Variants in CCDC141 observed in about 807,000 individuals in gnomAD.
CCDC141 encodes the protein coiled-coil domain-containing protein 141.
CCDC141 carries 168 observed loss-of-function variants against 181.0 expected under a neutral mutation model. The ratio of observed to expected loss-of-function variants is 0.93; its 90% confidence interval spans 0.82 to 1.05. The LOEUF is 1.05. Among genes scored for constraint, CCDC141 ranks in the 50% least tolerant of loss-of-function variants. The pLI is 0.00. For synonymous variants in CCDC141, 666 were observed against 642.3 expected, an observed-to-expected ratio of 1.04 and a Z score of -0.56; for missense variants, 1,902 against 1,788.5, an observed-to-expected ratio of 1.06 and a Z score of -1.14.
At chr2:179,029,646 C>T (rs1254124324) in intron 2 of CCDC141, among the ~76,000 whole-genome samples, 1 of 152,096 alleles carries the variant, frequency 6.6e-6, no homozygotes, top group African/African-American at 2.4e-5. Flanking sequence ...CATGAACATT[C>T]TAGGAATTAC....
intron 2 of CCDC141, among the ~76,000 whole-genome samples, chr2:178,991,983 T>C (rs1692077304): frequency 6.6e-6 from 1 of 152,074 alleles, no homozygotes; most frequent in Non-Finnish European, 1.5e-5. Context: ...CTTATCATCA[T>C]CTGCCTCATC....
intron 7 of CCDC141, among the ~76,000 whole-genome samples, chr2:178,906,861 G>A (rs775436945): frequency 2.0e-5 from 3 of 152,146 alleles, no homozygotes; most frequent in Non-Finnish European, 4.4e-5. Flanking sequence ...GGTCATGGAG[G>A]TACACAAATG....
intron 7 of CCDC141, among the ~76,000 whole-genome samples, chr2:178,910,427 A>C (rs1156934452): frequency 6.6e-6 from 1 of 152,198 alleles, no homozygotes; most frequent in Non-Finnish European, 1.5e-5. Context: ...TATAACTATC[A>C]AAAACACAAA....
intron 2 of CCDC141, among the ~76,000 whole-genome samples, chr2:179,007,385 A>C (rs953372041): frequency 2.6e-5 from 4 of 152,312 alleles, no homozygotes; most frequent in African/African-American, 4.8e-5. Context: ...CTTAATAAAC[A>C]TGTGAAGTAA....
intron 10 of CCDC141, among the ~76,000 whole-genome samples, chr2:178,885,593 T>C (rs1686844910): frequency 1.3e-5 from 2 of 152,190 alleles, no homozygotes; most frequent in Admixed American, 1.3e-4. Flanking sequence ...AAATATTACA[T>C]ATCAGGCCTA....
intron 6 of CCDC141, among the ~76,000 whole-genome samples, chr2:178,921,313 A>T (rs1332537547): frequency 1.3e-5 from 2 of 152,246 alleles, no homozygotes. Flanking sequence ...AAATATTTTT[A>T]AAACAGTACA....
At position 178,959,161 on chromosome 2, in the gene CCDC141, G is replaced by A. The variant is rs563732686; in HGVS notation, c.780+2069C>T. 1.1e-3 allele frequency among the ~76,000 whole-genome samples: 169 copies of A among 151,206 alleles called. 2 individuals carry two copies. The highest frequency in any genetic ancestry group is 0.01 in the Middle Eastern group (3 of 294). On this transcript the variant is annotated intron_variant, in intron 5 of 23. Transcript: ENST00000443758. Reference sequence around the variant, plus strand: ...CCTGTTGTGGGGTGGGGGAAGGGGGGAGGGATAGCATTAGGAGATATACCT... The same window carrying A: ...CCTGTTGTGGGGTGGGGGAAGGGGGAAGGGATAGCATTAGGAGATATACCT...
In CCDC141 at chr2:178,837,188, T is replaced by G. The variant is rs1684514765; in HGVS notation, c.4031A>C (p.Glu1344Ala). Residue 1344 changes from glutamate (E) to alanine (A), a missense_variant, in exon 23 of 24, where the codon GAA (glutamate) becomes GCA (alanine). Transcript: ENST00000443758. ...ATCAGCATGCATTTTCTCCCGTGTT[T>G]CTAGCAAACCACCCTGAGCCTGAGG... ...QHPQAQGGLL[E>A]TREKMHADNN... 1 of 1,613,912 alleles carries G rather than the reference T, an allele frequency of 6.2e-7. No homozygotes were observed. The highest frequency in any genetic ancestry group is 1.3e-5 in the African/African-American group (1 of 74,920).
intron 2 of CCDC141, among the ~76,000 whole-genome samples, chr2:178,991,183 G>C (rs1692037894): frequency 1.3e-5 from 2 of 152,112 alleles, no homozygotes; most frequent in African/African-American, 4.8e-5. Flanking sequence ...TTATCAAACA[G>C]CAATACATAT....
chr2:178,918,340 C>A (rs928008534), intron 7 of CCDC141, among the ~76,000 whole-genome samples: 1 of 151,912 alleles, frequency 6.6e-6, no homozygotes, highest in African/African-American at 2.4e-5. Context: ...TCCAGGAGGT[C>A]GAGGCTGCAG....
chr2:178,840,422 G>A (rs1415736746), intron 22 of CCDC141, among the ~76,000 whole-genome samples: 2 of 152,220 alleles, frequency 1.3e-5, no homozygotes, highest in Non-Finnish European at 2.9e-5. Context: ...AACAAGCTTA[G>A]GAGAGAAACT....
At chr2:178,962,821 T>C (rs964247328) in intron 4 of CCDC141, among the ~76,000 whole-genome samples, 8 of 152,100 alleles carry the variant, frequency 5.3e-5, no homozygotes, top group African/African-American at 1.7e-4. Flanking sequence ...CTCTCCACTT[T>C]TCATTCTTAT....
chr2:178,938,579 G>A (rs1221402097), intron 6 of CCDC141, among the ~76,000 whole-genome samples: 1 of 152,036 alleles, frequency 6.6e-6, no homozygotes, highest in Non-Finnish European at 1.5e-5. Context: ...GTTGTTTTGG[G>A]ATAAAAGGTT....
At chr2:179,014,396 G>A (rs1176657650) in intron 2 of CCDC141, among the ~76,000 whole-genome samples, 2 of 152,090 alleles carry the variant, frequency 1.3e-5, no homozygotes, top group Non-Finnish European at 2.9e-5. Flanking sequence ...AAAAGCAAAT[G>A]CAATAAAAAC....
At chr2:178,896,563 G>A (rs1230872667) in intron 8 of CCDC141, among the ~76,000 whole-genome samples, 1 of 152,184 alleles carries the variant, frequency 6.6e-6, no homozygotes, top group East Asian at 1.9e-4. Flanking sequence ...CTAGAAGCTA[G>A]AGTAAATTTT....
intron 8 of CCDC141, among the ~76,000 whole-genome samples, chr2:178,904,678 G>C (rs1316230887): frequency 3.3e-5 from 5 of 152,034 alleles, no homozygotes; most frequent in South Asian, 2.1e-4. Context: ...TTTCCCCTTT[G>C]TCTTTCTGTT....
At chr2:178,889,209 TAA>T (rs11324020) in intron 8 of CCDC141, among the ~76,000 whole-genome samples, 10,774 of 150,656 alleles carry the variant, frequency 0.072, 561 homozygotes, top group Admixed American at 0.16. Flanking sequence ...TACTTGTTGA[TAA>T]AAAAAAAAAG....
At chr2:178,893,947 G>T (rs1687287295) in intron 8 of CCDC141, among the ~76,000 whole-genome samples, 1 of 152,048 alleles carries the variant, frequency 6.6e-6, no homozygotes, top group African/African-American at 2.4e-5. Flanking sequence ...TGTAGAGATG[G>T]CTAGAAGTTC....
intron 23 of CCDC141, among the ~76,000 whole-genome samples, chr2:178,835,442 C>T (rs1684438700): frequency 6.6e-6 from 1 of 152,130 alleles, no homozygotes; most frequent in African/African-American, 2.4e-5. Flanking sequence ...TTTTGTATGT[C>T]TGAGATTCTT....
Sources: gnomAD v4.1 joint callset for allele counts (sites outside exome capture counted in the v4.1 genomes callset) on GRCh38, gnomAD v4.1.1 for gene constraint, MANE v1.5 for transcripts, NCBI Gene and HGNC (gene_info 2026-07-23, HGNC 2026-07-21) for gene names.